The following BPHL variants were observed in gnomAD, a reference collection of about 807,000 sequenced individuals.
BPHL encodes the protein biphenyl hydrolase like, also known as serine hydrolase BPHL.
In BPHL, 27 loss-of-function variants were observed where a neutral mutation model predicts 31.2. The ratio of observed to expected loss-of-function variants is 0.87; its 90% CI spans 0.64 to 1.19. The LOEUF (loss-of-function observed/expected upper bound fraction) is 1.19. BPHL is among the 50% of genes most tolerant of loss of function. The pLI is 0.00. For synonymous variants in BPHL, 150 were observed against 146.8 expected (o/e 1.02, Z -0.16); for missense variants, 356 against 375.7 (o/e 0.95, Z 0.43).
chr6:3,151,563 G>GC (rs1364726731), intron 6 of BPHL, among the ~76,000 whole-genome samples: 2 of 152,040 alleles, frequency 1.3e-5, no homozygotes, highest in Non-Finnish European at 2.9e-5. Context: ...TGAGCTGTCA[G>GC]CCCCCCAGTA....
chr6:3,126,504 A>G (rs555233289), intron 2 of BPHL, among the ~76,000 whole-genome samples: 5 of 152,248 alleles, frequency 3.3e-5, no homozygotes, highest in African/African-American at 1.2e-4. Context: ...AGGAAGACCC[A>G]GGGCCTCTGT....
intron 1 of BPHL, 120 bp downstream of exon 1, chr6:3,118,967 T>C: frequency 3.6e-6 from 3 of 842,366 alleles, no homozygotes; most frequent in Non-Finnish European, 4.8e-6. Context: ...GGGCGCGGCC[T>C]GGCTGCCCTG....
At chr6:3,142,480 A>T (rs111368808) in intron 6 of BPHL, among the ~76,000 whole-genome samples, 18 of 152,182 alleles carry the variant, frequency 1.2e-4, no homozygotes, top group African/African-American at 3.9e-4. Flanking sequence ...GCAGTGTACA[A>T]AGTGATATCT....
chr6:3,138,114 G>T (rs1198200714), intron 5 of BPHL: 2 of 771,982 alleles, frequency 2.6e-6, no homozygotes, highest in South Asian at 2.9e-5. Flanking sequence ...TGTCTCCTGG[G>T]TTCAAGCGAT....
intron 3 of BPHL, 42 bp downstream of exon 3, chr6:3,127,450 G>T: frequency 1.4e-6 from 2 of 1,441,090 alleles, no homozygotes; most frequent in South Asian, 1.5e-5. Flanking sequence ...AGGGTGGCTG[G>T]GCCTGTCTTC....
Position 3,152,770 on chromosome 6 carries a change from T to A in BPHL, c.*195T>A. On this transcript the variant is annotated 3_prime_UTR_variant, in exon 7 of 7. Transcript: ENST00000380379. ...GGCTGGGCACGGTGGCTCACAGCTA[T>A]AATCTCAGCACTTTGGGAGGCTGAG... The A allele has an allele frequency of 2.0e-6, 1 of 495,482 alleles. No individual in the cohort carries two copies. The highest frequency in any genetic ancestry group is 3.5e-6 in the Non-Finnish European group (1 of 282,796). 30.7% of individuals were successfully genotyped at this position (495,482 alleles called of 1,614,324 possible). A position where few individuals can be genotyped will look rare whatever the true frequency, so the allele number is the denominator to read the frequency against.
chr6:3,134,069 A>G (rs1038423965), intron 4 of BPHL, among the ~76,000 whole-genome samples: 1 of 152,234 alleles, frequency 6.6e-6, no homozygotes, highest in African/African-American at 2.4e-5. Context: ...CGTATTACTA[A>G]TAAGATTGAA....
chr6:3,122,844 C>A (rs1255618029), intron 1 of BPHL, among the ~76,000 whole-genome samples: 2 of 152,206 alleles, frequency 1.3e-5, no homozygotes, highest in South Asian at 4.1e-4. Flanking sequence ...CACAGGATAC[C>A]CTACAGCTAA....
chr6:3,133,828 C>G (rs1016651781), intron 4 of BPHL, among the ~76,000 whole-genome samples: 1 of 152,234 alleles, frequency 6.6e-6, no homozygotes, highest in African/African-American at 2.4e-5. Flanking sequence ...GCAACAGTAT[C>G]TCTCTAGGGT....
chr6:3,124,433 A>G (rs1039973346), intron 2 of BPHL, among the ~76,000 whole-genome samples: 1 of 152,130 alleles, frequency 6.6e-6, no homozygotes, highest in Non-Finnish European at 1.5e-5. Context: ...GATTTAGTTA[A>G]ATAATCCTAA....
rs549807136 is a variant in BPHL, at chr6:3,143,048, G to A, written c.788+2539G>A. ...AGCCTGGCCATCATGGTGAAACCTC[G>A]TCTCTACTAGAAATACAAAAATTAG... On this transcript the variant is annotated intron_variant, in intron 6 of 6. Transcript: ENST00000380379. Among the ~76,000 whole-genome samples, 27 of 152,154 alleles carry A rather than the reference G, an allele frequency of 1.8e-4. No individual in the cohort carries two copies. In the South Asian group the frequency reaches 4.6e-3, roughly 26 times the overall value.
intron 4 of BPHL, among the ~76,000 whole-genome samples, chr6:3,131,703 C>T (rs971793933): frequency 6.6e-6 from 1 of 152,180 alleles, no homozygotes; most frequent in African/African-American, 2.4e-5. Context: ...CTCATCCTTC[C>T]GGTGCCTCTC....
chr6:3,141,213 C>A (rs1030374520), intron 6 of BPHL, among the ~76,000 whole-genome samples: 1 of 152,174 alleles, frequency 6.6e-6, no homozygotes, highest in Non-Finnish European at 1.5e-5. Context: ...TCTCTTTATT[C>A]CACACATTCC....
intron 4 of BPHL, among the ~76,000 whole-genome samples, chr6:3,129,413 T>C (rs986805121): frequency 5.9e-5 from 9 of 152,256 alleles, no homozygotes; most frequent in Non-Finnish European, 1.3e-4. Flanking sequence ...CTTCCATGGC[T>C]CAGGAAAAGG....
intron 1 of BPHL, among the ~76,000 whole-genome samples, chr6:3,120,500 G>T (rs565303022): frequency 6.6e-6 from 1 of 152,248 alleles, no homozygotes; most frequent in South Asian, 2.1e-4. Flanking sequence ...ATATAATCTG[G>T]GAAAACAAGC....
At chr6:3,145,312 G>C (rs1484727408) in intron 6 of BPHL, among the ~76,000 whole-genome samples, 2 of 61,712 alleles carry the variant, frequency 3.2e-5, no homozygotes, top group Admixed American at 1.3e-4. Context: ...GGTTCGGGGT[G>C]GAGTGCTGGT....
intron 6 of BPHL, among the ~76,000 whole-genome samples, chr6:3,151,254 G>A (rs919047187): frequency 6.6e-6 from 1 of 152,140 alleles, no homozygotes; most frequent in Admixed American, 6.5e-5. Context: ...GGCCTTGAGT[G>A]TCCCTGCAAG....
intron 2 of BPHL, among the ~76,000 whole-genome samples, chr6:3,124,444 T>C (rs1761660672): frequency 1.3e-5 from 2 of 152,188 alleles, no homozygotes; most frequent in African/African-American, 4.8e-5. Context: ...ATAATCCTAA[T>C]ATTTAATCTC....
chr6:3,127,587 C>G (rs1456247553), intron 3 of BPHL, among the ~76,000 whole-genome samples, 179 bp downstream of exon 3: 2 of 152,216 alleles, frequency 1.3e-5, no homozygotes, highest in African/African-American at 4.8e-5. Flanking sequence ...GTCCAGCTCT[C>G]TAGAGACACT....
Sources: gnomAD v4.1 joint callset for allele counts (sites outside exome capture counted in the v4.1 genomes callset) on GRCh38, gnomAD v4.1.1 for gene constraint, MANE v1.5 for transcripts, NCBI Gene and HGNC (gene_info 2026-07-23, HGNC 2026-07-21) for gene names.